HPSE2: variants seen among roughly 807,000 people sequenced by gnomAD.
HPSE2 encodes the protein heparanase 2 (inactive), also known as inactive heparanase-2.
A neutral mutation model predicts 60.5 loss-of-function variants in HPSE2; 38 were observed. That is an observed-to-expected ratio of 0.63 (90% CI 0.48 to 0.82). HPSE2 has a LOEUF of 0.82. Among genes scored for constraint, HPSE2 ranks in the 40% least tolerant of loss-of-function variants. HPSE2 has a pLI of 0.00. For missense variants in HPSE2, 713 were observed against 740.4 expected (o/e 0.96, Z 0.43); for synonymous variants, 295 against 293.2 (o/e 1.01, Z -0.06).
chr10:99,020,915 A>G (rs1225717625), intron 3 of HPSE2, among the ~76,000 whole-genome samples: 2 of 152,208 alleles, frequency 1.3e-5, no homozygotes, highest in African/African-American at 4.8e-5. Flanking sequence ...GGCCATGGAT[A>G]TGTTCTGGAA....
chr10:99,315,459 T>C, the HPSE2 span, among the ~76,000 whole-genome samples: 1 of 147,900 alleles, frequency 6.8e-6, no homozygotes, highest in Non-Finnish European at 1.5e-5. Flanking sequence ...TAAGAACTCC[T>C]AGTTTAACAA....
chr10:99,081,053 C>T (rs1843118070), intron 3 of HPSE2, among the ~76,000 whole-genome samples: 1 of 152,224 alleles, frequency 6.6e-6, no homozygotes, highest in African/African-American at 2.4e-5. Context: ...CTCGGCCTCC[C>T]AAAGTGCTGG....
chr10:99,034,735 T>C (rs1564753052), intron 3 of HPSE2, among the ~76,000 whole-genome samples: 1 of 152,210 alleles, frequency 6.6e-6, no homozygotes, highest in Non-Finnish European at 1.5e-5. Flanking sequence ...TGAGTGTATT[T>C]ACACAAATCT....
At chr10:98,800,387 T>C (rs1950877783) in intron 3 of HPSE2, among the ~76,000 whole-genome samples, 2 of 147,794 alleles carry the variant, frequency 1.4e-5, no homozygotes, top group South Asian at 4.2e-4. Flanking sequence ...ATATAAAATA[T>C]ATACATAAAT....
chr10:98,936,994 A>C (rs1243706570), intron 3 of HPSE2, among the ~76,000 whole-genome samples: 4 of 140,818 alleles, frequency 2.8e-5, no homozygotes, highest in African/African-American at 8.9e-5. Flanking sequence ...AAAAAAAAAA[A>C]AAAAAAAAAA....
intron 3 of HPSE2, among the ~76,000 whole-genome samples, chr10:99,093,996 A>AT (rs996014429): frequency 1.3e-5 from 2 of 151,964 alleles, no homozygotes; most frequent in East Asian, 3.9e-4. Flanking sequence ...CAATACATTG[A>AT]TTTTTTTACT....
At chr10:99,212,574 C>T (rs1353299891) in intron 2 of HPSE2, among the ~76,000 whole-genome samples, 1 of 152,080 alleles carries the variant, frequency 6.6e-6, no homozygotes, top group South Asian at 2.1e-4. Flanking sequence ...AGAATACTAC[C>T]ACACAATCTC....
intron 2 of HPSE2, among the ~76,000 whole-genome samples, chr10:99,147,323 C>A (rs767723552): frequency 2.6e-5 from 4 of 152,128 alleles, no homozygotes; most frequent in Non-Finnish European, 4.4e-5. Flanking sequence ...AATGGTATTC[C>A]ATAGACTGTT....
intron 3 of HPSE2, among the ~76,000 whole-genome samples, chr10:98,859,171 C>T (rs1289532043): frequency 6.6e-6 from 1 of 152,166 alleles, no homozygotes; most frequent in African/African-American, 2.4e-5. Flanking sequence ...GAAATGCCGC[C>T]ATGCTTATTT....
chr10:98,848,001 A>G (rs1332077652), intron 3 of HPSE2, among the ~76,000 whole-genome samples: 2 of 152,258 alleles, frequency 1.3e-5, no homozygotes, highest in Non-Finnish European at 2.9e-5. Context: ...CTCTGTGCAT[A>G]TAATTCATAA....
chr10:99,169,146 T>C (rs1847201596), intron 2 of HPSE2, among the ~76,000 whole-genome samples: 1 of 146,172 alleles, frequency 6.8e-6, no homozygotes, highest in Non-Finnish European at 1.5e-5. Flanking sequence ...TGAGCCGAGA[T>C]TGCGCCACTG....
At chr10:99,244,403 A>ATTATTATTATTG in the HPSE2 span, among the ~76,000 whole-genome samples, 4 of 142,962 alleles carry the variant, frequency 2.8e-5, no homozygotes, top group African/African-American at 1.0e-4. Flanking sequence ...TATTATTATT[A>ATTATTATTATTG]TTATTATTAT....
intron 6 of HPSE2, among the ~76,000 whole-genome samples, chr10:98,656,211 G>C (rs1255138928): frequency 6.6e-6 from 1 of 151,724 alleles, no homozygotes; most frequent in Non-Finnish European, 1.5e-5. Flanking sequence ...CTCACCTCCT[G>C]AGTAGCTGGG....
chr10:98,927,245 T>A (rs1414463007), intron 3 of HPSE2, among the ~76,000 whole-genome samples: 1 of 152,150 alleles, frequency 6.6e-6, no homozygotes, highest in Non-Finnish European at 1.5e-5. Context: ...AGTCTAAGCC[T>A]CTTTGTAGGT....
intron 5 of HPSE2, among the ~76,000 whole-genome samples, chr10:98,715,548 G>T (rs1486652584): frequency 6.6e-6 from 1 of 151,688 alleles, no homozygotes; most frequent in African/African-American, 2.4e-5. Context: ...ATACCACAGA[G>T]GTATTGCAGG....
At chr10:98,512,510 G>C (rs1002464150) in intron 9 of HPSE2, among the ~76,000 whole-genome samples, 1 of 152,024 alleles carries the variant, frequency 6.6e-6, no homozygotes, top group Admixed American at 6.5e-5. Context: ...GCATGAACCC[G>C]GGAGGCGGAG....
intron 10 of HPSE2, among the ~76,000 whole-genome samples, chr10:98,487,988 C>T (rs1021146060): frequency 6.6e-6 from 1 of 152,188 alleles, no homozygotes; most frequent in South Asian, 2.1e-4. Context: ...ACAAAAACAC[C>T]TTCAACCCAG....
At chr10:98,866,806 A>G (rs1246851369) in intron 3 of HPSE2, among the ~76,000 whole-genome samples, 1 of 152,190 alleles carries the variant, frequency 6.6e-6, no homozygotes, top group East Asian at 1.9e-4. Flanking sequence ...ATGAAGATGA[A>G]ATAAAAACAT....
At chr10:98,529,492 GCA>G (rs1327438535) in intron 9 of HPSE2, among the ~76,000 whole-genome samples, 9 of 152,112 alleles carry the variant, frequency 5.9e-5, no homozygotes, top group African/African-American at 2.2e-4. Flanking sequence ...CTGGAGAAAA[GCA>G]CAGTCAGGCA....
Sources: allele counts gnomAD v4.1 joint callset (sites outside exome capture counted in the v4.1 genomes callset), GRCh38; gene constraint gnomAD v4.1.1; transcripts MANE v1.5; gene names NCBI Gene and HGNC (gene_info 2026-07-23, HGNC 2026-07-21).